GSE1: variants seen among roughly 807,000 people sequenced by gnomAD.
GSE1 encodes the protein genetic suppressor element 1.
In GSE1, 32 loss-of-function variants were observed where a neutral mutation model predicts 112.6. The observed-to-expected ratio is 0.28, with a 90% confidence interval of 0.21 to 0.38. GSE1 has a LOEUF of 0.38. Ranked by LOEUF, GSE1 falls within the 10% of genes least tolerant of loss-of-function variation. The pLI is 1.00. For synonymous variants in GSE1, 1,115 were observed against 735.6 expected (o/e 1.52, Z -8.35); for missense variants, 2,348 against 1,699.2 (o/e 1.38, Z -6.71).
chr16:85,475,973 C>T (rs763942961), intron 2 of GSE1, among the ~76,000 whole-genome samples: 4 of 151,966 alleles, frequency 2.6e-5, no homozygotes, highest in East Asian at 3.9e-4. Context: ...CTCTGTCACC[C>T]GAGTTGGAGT....
chr16:85,455,090 G>A (rs577512887), intron 2 of GSE1, among the ~76,000 whole-genome samples: 234 of 152,368 alleles, frequency 1.5e-3, no homozygotes, highest in African/African-American at 5.3e-3. Flanking sequence ...TCAGAGGAGC[G>A]GGTTGGGGTG....
At chr16:85,592,501 C>T (rs12599151) in intron 1 of GSE1, 90,448 of 151,986 alleles carry the variant, frequency 0.6, 28,295 homozygotes, top group East Asian at 0.89. Context: ...GGCCTTCACA[C>T]GTGTCTGGGA....
intron 1 of GSE1, among the ~76,000 whole-genome samples, chr16:85,252,425 C>T (rs974082850): frequency 2.6e-5 from 4 of 152,178 alleles, no homozygotes; most frequent in Non-Finnish European, 2.9e-5. Flanking sequence ...TGGAAATCAG[C>T]CCTAGACACT....
At chr16:85,668,602 C>T (rs2053078174) in intron 14 of GSE1, among the ~76,000 whole-genome samples, 178 bp downstream of exon 14, 1 of 152,188 alleles carries the variant, frequency 6.6e-6, no homozygotes, top group Admixed American at 6.5e-5. Flanking sequence ...ATGTCCCATG[C>T]TGGAACCTGA....
At chr16:85,505,339 C>T (rs1229256213) in intron 2 of GSE1, among the ~76,000 whole-genome samples, 1 of 152,186 alleles carries the variant, frequency 6.6e-6, no homozygotes, top group Non-Finnish European at 1.5e-5. Context: ...ACGTGGGAGT[C>T]CCACCCGGGA....
At chr16:85,658,461 T>A (rs1236473466) in intron 8 of GSE1, among the ~76,000 whole-genome samples, 1 of 152,236 alleles carries the variant, frequency 6.6e-6, no homozygotes, top group Non-Finnish European at 1.5e-5. Context: ...AAGGCTGTGA[T>A]GCTGTCCTGG....
chr16:85,593,895 T>G (rs1346068012), intron 1 of GSE1: 2 of 151,992 alleles, frequency 1.3e-5, no homozygotes, highest in African/African-American at 4.8e-5. Flanking sequence ...CAGAGCATGC[T>G]GCTTCTCTCT....
chr16:85,478,901 T>C (rs8061212), intron 2 of GSE1, among the ~76,000 whole-genome samples: 15 of 78,768 alleles, frequency 1.9e-4, no homozygotes, highest in African/African-American at 9.1e-4. Flanking sequence ...CTTTCTTTCT[T>C]TCTTTCTTTC....
intron 2 of GSE1, among the ~76,000 whole-genome samples, chr16:85,643,248 T>G (rs2050589842): frequency 6.6e-6 from 1 of 152,206 alleles, no homozygotes. Context: ...AACTCCTGGC[T>G]GAATACCGCC....
At chr16:85,351,242 G>A (rs1003021216) in intron 1 of GSE1, among the ~76,000 whole-genome samples, 2 of 152,212 alleles carry the variant, frequency 1.3e-5, no homozygotes, top group Non-Finnish European at 1.5e-5. Context: ...AGTTCCTGCC[G>A]AAGAGGCTCC....
chr16:85,374,277 AGTGT>A (rs2047366932), intron 2 of GSE1, among the ~76,000 whole-genome samples: 1 of 148,530 alleles, frequency 6.7e-6, no homozygotes, highest in African/African-American at 2.5e-5. Context: ...AGTGTGTGTC[AGTGT>A]GTATGTGCGT....
chr16:85,534,715 C>T (rs181516001), intron 2 of GSE1, among the ~76,000 whole-genome samples: 55 of 152,326 alleles, frequency 3.6e-4, no homozygotes, highest in African/African-American at 1.3e-3. Flanking sequence ...GCCCTCCCGT[C>T]GCTTCTTTTG....
At chr16:85,652,193 A>G (rs1302978363) in intron 3 of GSE1, among the ~76,000 whole-genome samples, 1 of 152,214 alleles carries the variant, frequency 6.6e-6, no homozygotes, top group Non-Finnish European at 1.5e-5. Flanking sequence ...TAGCCGTGCC[A>G]TCAACTCTGC....
intron 1 of GSE1, among the ~76,000 whole-genome samples, chr16:85,336,860 TCA>T (rs1227717095): frequency 6.6e-6 from 1 of 152,220 alleles, no homozygotes; most frequent in Non-Finnish European, 1.5e-5. Flanking sequence ...GCATGAACAT[TCA>T]CACGTTCACA....
intron 2 of GSE1, among the ~76,000 whole-genome samples, chr16:85,489,323 C>T (rs73265136): frequency 6.6e-6 from 1 of 152,028 alleles, no homozygotes; most frequent in African/African-American, 2.4e-5. Flanking sequence ...ACGTCCCTGC[C>T]ACCAAGATGC....
At chr16:85,325,507 A>G (rs138374829) in intron 1 of GSE1, among the ~76,000 whole-genome samples, 8,768 of 152,056 alleles carry the variant, frequency 0.058, 353 homozygotes, top group Non-Finnish European at 0.092. Flanking sequence ...GCTGGAGTGC[A>G]GTGACACGAT....
upstream of GSE1, among the ~76,000 whole-genome samples, chr16:85,613,001 G>C (rs1015000915): frequency 1.3e-5 from 2 of 152,226 alleles, no homozygotes; most frequent in Admixed American, 1.3e-4. Context: ...GAGTGTGGGG[G>C]TGGCACCTCC....
intron 1 of GSE1, among the ~76,000 whole-genome samples, chr16:85,282,725 C>A (rs1218831983): frequency 6.6e-6 from 1 of 152,214 alleles, no homozygotes; most frequent in Non-Finnish European, 1.5e-5. Flanking sequence ...TTTTGCTATA[C>A]CAGGATTTTA....
At chr16:85,360,891 C>T (rs751469460) in intron 2 of GSE1, among the ~76,000 whole-genome samples, 10 of 151,772 alleles carry the variant, frequency 6.6e-5, no homozygotes, top group African/African-American at 9.7e-5. Flanking sequence ...CCCAAGCACA[C>T]GATATGCACG....
Sources: gnomAD v4.1 joint callset for allele counts (sites outside exome capture counted in the v4.1 genomes callset) on GRCh38, gnomAD v4.1.1 for gene constraint, MANE v1.5 for transcripts, NCBI Gene and HGNC (gene_info 2026-07-23, HGNC 2026-07-21) for gene names.